Variants in SLC9A3 observed in about 807,000 individuals in gnomAD.
SLC9A3 encodes sodium/hydrogen exchanger 3.
A neutral mutation model predicts 86.8 loss-of-function variants in SLC9A3; 37 were observed. That is an observed-to-expected ratio of 0.43 (90% CI 0.33 to 0.56). SLC9A3 has a LOEUF of 0.56. Among genes scored for constraint, SLC9A3 ranks in the 20% least tolerant of loss-of-function variants. The pLI is 0.06. For synonymous variants in SLC9A3, 581 were observed against 528.3 expected (o/e 1.10, Z -1.37); for missense variants, 1,011 against 1,171.9 (o/e 0.86, Z 2.00).
chr5:497,844 T>C lies in SLC9A3; in HGVS notation c.212-5773A>G, dbSNP rs1252505116. Among the ~76,000 whole-genome samples the C allele has an allele frequency of 1.7e-3, 153 of 90,988 alleles. 4 individuals are homozygous for C. The highest frequency in any genetic ancestry group is 6.6e-3 in the African/African-American group (148 of 22,562). The allele number at this position is 90,988 out of a possible 152,430, so 59.7% of individuals were successfully genotyped here. The stretch of plus-strand genomic sequence containing the variant: ...GCCGCATCCCCAGCCTCTGCCCCTG[T>C]CCCGGGTGGGGTCGCCCGGCCGCAT... On this transcript the variant is annotated intron_variant, in intron 1 of 16. Coordinates refer to ENST00000264938, the MANE Select transcript of SLC9A3 (RefSeq NM_004174.4). The surrounding 1 kb of genome is among the most constrained non-coding windows in gnomAD (Gnocchi z 5.4).
intron 1 of SLC9A3, among the ~76,000 whole-genome samples, chr5:523,860 CCCGGGAG>C (rs1175329408): frequency 1.3e-5 from 2 of 152,166 alleles, no homozygotes; most frequent in African/African-American, 4.8e-5. Context: ...CCCACAGGGA[CCCGGGAG>C]CCGGGAGTCC....
chr5:514,671 G>C (rs904852402), intron 1 of SLC9A3, among the ~76,000 whole-genome samples: 2 of 152,250 alleles, frequency 1.3e-5, no homozygotes, highest in Admixed American at 1.3e-4. Flanking sequence ...TCTGAGGACG[G>C]AGCCCGCAGT....
In SLC9A3 at chr5:476,088, T is replaced by A. The variant is rs770287557; in HGVS notation, c.2072A>T (p.Asn691Ile). The change falls in exon 14 of 17, where the codon AAC becomes ATC. Residue 691 changes from asparagine to isoleucine, a missense_variant. Asn to Ile is a moderately radical substitution (Grantham distance 149). Coordinates refer to ENST00000264938, the MANE Select transcript of SLC9A3 (RefSeq NM_004174.4). ...YKRERAQKRR[N>I]SSIPNGKLPM... ...CAGCTTCCCATTGGGGATGCTGCTG[T>A]TTCTCTGCGGAGCAAACGTGAAGCT... 2.2e-5 allele frequency: 35 copies of A among 1,613,300 alleles called. No individual in the cohort carries two copies. In the South Asian group the frequency reaches 3.5e-4, roughly 16 times the overall value.
intron 3 of SLC9A3, among the ~76,000 whole-genome samples, chr5:487,004 TGA>T (rs1739510687): frequency 9.3e-5 from 3 of 32,092 alleles, no homozygotes; most frequent in Middle Eastern, 0.014. Context: ...ACTGACACCG[TGA>T]TCCAGACCGC....
At chr5:493,866 C>T (rs1014025110) in intron 1 of SLC9A3, among the ~76,000 whole-genome samples, 2 of 152,240 alleles carry the variant, frequency 1.3e-5, no homozygotes. Flanking sequence ...CTGAGCTCCA[C>T]ACCTGTCAGG....
At chr5:504,179 G>A (rs1440624246) in intron 1 of SLC9A3, among the ~76,000 whole-genome samples, 1 of 152,234 alleles carries the variant, frequency 6.6e-6, no homozygotes, top group Non-Finnish European at 1.5e-5. Flanking sequence ...CGTCCTATAT[G>A]AGGCGCCTGG....
intron 1 of SLC9A3, among the ~76,000 whole-genome samples, chr5:507,015 G>T (rs947247345): frequency 4.7e-5 from 7 of 150,484 alleles, no homozygotes; most frequent in African/African-American, 1.2e-4. Flanking sequence ...AGATTGTGGT[G>T]AGCCGAGATC....
At chr5:508,224 C>G (rs923953048) in intron 1 of SLC9A3, among the ~76,000 whole-genome samples, 13 of 148,744 alleles carry the variant, frequency 8.7e-5, no homozygotes, top group Non-Finnish European at 1.8e-4. Flanking sequence ...CAGGCAGACG[C>G]AGTCCTCAGC....
intron 1 of SLC9A3, among the ~76,000 whole-genome samples, chr5:509,457 AGGAG>A (rs1212789666): frequency 6.1e-5 from 7 of 115,620 alleles, no homozygotes; most frequent in African/African-American, 2.3e-4. Context: ...GAAGGAAGGA[AGGAG>A]GGAGGGAGGG....
At chr5:509,351 G>A (rs895150314) in intron 1 of SLC9A3, among the ~76,000 whole-genome samples, 3 of 151,986 alleles carry the variant, frequency 2.0e-5, no homozygotes, top group Non-Finnish European at 2.9e-5. Context: ...CTACTCAGAA[G>A]GCTGAGGCAT....
rs749030561 is a variant in SLC9A3 at position 477,463 on chromosome 5, C to G, written c.1648-19G>C. ...GCTCTCCCTGTGGTCAGGAAGCAGCCCGGTCAGTGGCCTGAGCAGCCAAGC... is the reference window on the plus strand; with the variant it reads ...GCTCTCCCTGTGGTCAGGAAGCAGCGCGGTCAGTGGCCTGAGCAGCCAAGC... On this transcript the variant is annotated intron_variant, in intron 10 of 16. Transcript: ENST00000264938. The G allele has an allele frequency of 6.3e-7, 1 of 1,585,642 alleles. No individual in the cohort carries two copies. The highest frequency in any genetic ancestry group is 2.2e-5 in the East Asian group (1 of 44,490).
Position 516,456 on chromosome 5 carries a change from C to T in SLC9A3, c.211+7656G>A, listed in dbSNP as rs1046328858. Among the ~76,000 whole-genome samples, 79 of 152,150 alleles carry T rather than the reference C, an allele frequency of 5.2e-4. 1 individual carries two copies. Among genetic ancestry groups the T allele is most frequent in the African/African-American group, 1.7e-3 (72 of 41,414 alleles). On this transcript the variant is annotated intron_variant, in intron 1 of 16. Transcript: ENST00000264938. ...CTAAGGGTATTGGCTGCCTGTGACC[C>T]GAGTTCTATTCTGTGTCCCAGGAGG... is the stretch of plus-strand genomic sequence containing the variant.
chr5:476,650 A>G lies in SLC9A3; in HGVS notation c.1783T>C (p.Cys595Arg). 6.2e-7 allele frequency: 1 copy of G among 1,606,850 alleles called. No individual in the cohort carries two copies. Among genetic ancestry groups the G allele is most frequent in the Non-Finnish European group, 8.5e-7 (1 of 1,179,852 alleles). Residue 595 changes from cysteine (C) to arginine (R), a missense_variant, in exon 12 of 17, where the codon TGC becomes CGC. Physicochemically the swap from Cys to Arg is radical, Grantham distance 180 (BLOSUM62 -3). Transcript: ENST00000264938. ...TGCTCCAGAGACTGCATGTCCAGGC[A>G]GACAGCGCTGACATTTTCTCTCCTG... ...YLLRENVSAVCLDMQSLEQRR... is the reference protein window; with the variant it reads ...YLLRENVSAVRLDMQSLEQRR...
Position 491,714 on chromosome 5 carries a change from G to T in SLC9A3, c.514+55C>A, listed in dbSNP as rs1370914044. ...GACCTTTCTGAGATGAGGCAGCGCC[G>T]CCCCTCCCGGACCCCACCCTGATCC... is the stretch of plus-strand genomic sequence containing the variant. On this transcript the variant is annotated intron_variant, in intron 2 of 16. Coordinates refer to ENST00000264938, the MANE Select transcript of SLC9A3 (RefSeq NM_004174.4). The surrounding 1 kb of genome is among the most constrained non-coding windows in gnomAD (Gnocchi z 9.2). 35 of 1,430,820 alleles carry T rather than the reference G, an allele frequency of 2.4e-5. No homozygotes were observed. Among genetic ancestry groups the T allele is most frequent in the Non-Finnish European group, 3.3e-5 (35 of 1,069,772 alleles). 88.6% of individuals were successfully genotyped at this position (1,430,820 alleles called of 1,614,324 possible).
intron 1 of SLC9A3, among the ~76,000 whole-genome samples, chr5:515,237 G>A (rs750869412): frequency 3.3e-5 from 5 of 151,812 alleles, no homozygotes; most frequent in Admixed American, 6.6e-5. Flanking sequence ...CAGCACAAAC[G>A]GCCAGGCCCA....
intron 1 of SLC9A3, among the ~76,000 whole-genome samples, chr5:521,707 A>C (rs1560979801): frequency 6.6e-6 from 1 of 152,098 alleles, no homozygotes; most frequent in Non-Finnish European, 1.5e-5. Context: ...GTGAAACTGG[A>C]GAAGTTCCCG....
chr5:473,414 G>C, intron 16 of SLC9A3, 32 bp from the exon 17 acceptor site: 1 of 1,378,582 alleles, frequency 7.3e-7, no homozygotes, highest in Non-Finnish European at 9.4e-7. Flanking sequence ...GCGGCGCGCG[G>C]AGCCCGGGCG....
intron 2 of SLC9A3, among the ~76,000 whole-genome samples, chr5:488,772 C>T (rs529843500): frequency 2.6e-5 from 4 of 152,354 alleles, no homozygotes; most frequent in African/African-American, 7.2e-5. Flanking sequence ...GCAGGGGCAC[C>T]GCATGCTGGG....
In SLC9A3 at chr5:473,322, G is replaced by A; in HGVS notation, c.*57C>T. The A allele has an allele frequency of 2.1e-6, 3 of 1,398,038 alleles. No homozygotes were observed. The South Asian group carries it at 4.6e-5, about 21-fold the overall frequency. The allele number at this position is 1,398,038 out of a possible 1,614,324, so 86.6% of individuals were successfully genotyped here. A position where few individuals can be genotyped will look rare whatever the true frequency, so the allele number is the denominator to read the frequency against. The stretch of plus-strand genomic sequence containing the variant: ...TTTCTCTGGGACAGCGGCGGCGGCG[G>A]TGGGCGGACCGTGGCGCGGGGACGA... On this transcript the variant is annotated 3_prime_UTR_variant, in exon 17 of 17. Coordinates refer to ENST00000264938, the MANE Select transcript of SLC9A3 (RefSeq NM_004174.4).
Sources: gnomAD v4.1 joint callset for allele counts (sites outside exome capture counted in the v4.1 genomes callset) on GRCh38, gnomAD v4.1.1 for gene constraint, Gnocchi (gnomAD v3.1) non-coding constraint, MANE v1.5 for transcripts, NCBI Gene and HGNC (gene_info 2026-07-23, HGNC 2026-07-21) for gene names.